The following CTIF variants were observed in gnomAD, a reference collection of about 807,000 sequenced individuals.
CTIF encodes cap binding complex dependent translation initiation factor.
CTIF carries 21 observed loss-of-function variants against 66.0 expected under a neutral mutation model. That is an observed-to-expected ratio of 0.32 (90% CI 0.23 to 0.46). CTIF has a LOEUF of 0.46. CTIF is among the 20% of genes least tolerant of loss of function. CTIF has a pLI of 1.00. For synonymous variants in CTIF, 345 were observed against 326.4 expected, an observed-to-expected ratio of 1.06 and a Z score of -0.62; for missense variants, 739 against 812.7, an observed-to-expected ratio of 0.91 and a Z score of 1.10.
intron 6 of CTIF, among the ~76,000 whole-genome samples, chr18:48,676,652 A>G (rs2091634703): frequency 6.6e-6 from 1 of 151,974 alleles, no homozygotes; most frequent in Non-Finnish European, 1.5e-5. Flanking sequence ...GATGTGCCCA[A>G]AGCATTCCCC....
intron 9 of CTIF, among the ~76,000 whole-genome samples, chr18:48,802,806 A>T (rs2068073497): frequency 6.6e-6 from 1 of 152,218 alleles, no homozygotes; most frequent in South Asian, 2.1e-4. Flanking sequence ...AGTGGTACTA[A>T]CGTCCTCCCT....
intron 9 of CTIF, among the ~76,000 whole-genome samples, chr18:48,771,221 C>G (rs1910083504): frequency 6.6e-6 from 1 of 152,170 alleles, no homozygotes; most frequent in Non-Finnish European, 1.5e-5. Context: ...TTCTGGGCTC[C>G]CCTGTTTAAG....
At chr18:48,722,631 G>A (rs554178896) in intron 7 of CTIF, among the ~76,000 whole-genome samples, 58 of 150,490 alleles carry the variant, frequency 3.9e-4, no homozygotes, top group African/African-American at 1.3e-3. Context: ...CGTACTCATC[G>A]GCACTCACAG....
At chr18:48,654,194 A>G (rs1020736170) in intron 3 of CTIF, among the ~76,000 whole-genome samples, 1 of 152,218 alleles carries the variant, frequency 6.6e-6, no homozygotes, top group African/African-American at 2.4e-5. Flanking sequence ...TAGGCAACCT[A>G]CAGAATGGGA....
intron 6 of CTIF, among the ~76,000 whole-genome samples, chr18:48,697,393 A>G (rs771642196): frequency 6.6e-6 from 1 of 152,184 alleles, no homozygotes; most frequent in Non-Finnish European, 1.5e-5. Context: ...GTGTGACCAG[A>G]TGGATTCCTT....
chr18:48,777,376 C>T (rs1910788788), intron 9 of CTIF, among the ~76,000 whole-genome samples: 1 of 152,206 alleles, frequency 6.6e-6, no homozygotes, highest in Non-Finnish European at 1.5e-5. Context: ...CCAAGCCACC[C>T]TCCTATGTGC....
chr18:48,566,073 C>T (rs2089274091), intron 1 of CTIF: 1 of 152,226 alleles, frequency 6.6e-6, no homozygotes. Flanking sequence ...TAACAGGCAA[C>T]AAGTTCTGCC....
At chr18:48,701,595 C>G (rs2145389328) in intron 6 of CTIF, among the ~76,000 whole-genome samples, 1 of 152,172 alleles carries the variant, frequency 6.6e-6, no homozygotes, top group East Asian at 1.9e-4. Flanking sequence ...AGAATGGAAG[C>G]CTGACAATGG....
intron 1 of CTIF, chr18:48,565,968 G>T: frequency 6.6e-6 from 1 of 152,412 alleles, no homozygotes; most frequent in Non-Finnish European, 1.5e-5. Context: ...AGAGGCTGAG[G>T]GTGGGCATGA....
Position 48,544,718 on chromosome 18 carries a change from G to A in CTIF, c.-29+5406G>A, listed in dbSNP as rs527355761. ...AGGCTGGGGCAATGGCCCAAAAATG[G>A]TTAGGGGGCAACTAGGTGCTTGGGG... On this transcript the variant is annotated intron_variant, in intron 1 of 11. Coordinates refer to ENST00000256413, the MANE Select transcript of CTIF (RefSeq NM_014772.3). Among the ~76,000 whole-genome samples the A allele has an allele frequency of 6.4e-4, 97 of 152,346 alleles. 5 individuals carry two copies. The South Asian group carries it at 0.019, about 31-fold the overall frequency.
intron 5 of CTIF, among the ~76,000 whole-genome samples, chr18:48,669,004 C>T (rs1346148774): frequency 5.9e-5 from 9 of 152,162 alleles, no homozygotes; most frequent in Non-Finnish European, 1.5e-5. Context: ...TTCTCTTCCA[C>T]CCAGGCCTTT....
At chr18:48,678,885 T>G (rs2091691370) in intron 6 of CTIF, among the ~76,000 whole-genome samples, 2 of 152,158 alleles carry the variant, frequency 1.3e-5, no homozygotes, top group South Asian at 4.1e-4. Flanking sequence ...GGCAAACTGG[T>G]CCACAGACCA....
At position 48,670,644 on chromosome 18, in the gene CTIF, T is replaced by A. The variant is rs769236249; in HGVS notation, c.432-25T>A. Reference sequence around the variant, plus strand: ...AGGCATGAATGAGCCATCTTTCCAATGCCTTTCTGTCTTTTCTGGTCCAGG... The same window carrying A: ...AGGCATGAATGAGCCATCTTTCCAAAGCCTTTCTGTCTTTTCTGGTCCAGG... On this transcript the variant is annotated intron_variant, in intron 5 of 11. Transcript: ENST00000256413. The A allele has an allele frequency of 1.9e-6, 3 of 1,609,298 alleles. No individual in the cohort carries two copies. The East Asian group carries it at 6.7e-5, about 36-fold the overall frequency.
intron 9 of CTIF, among the ~76,000 whole-genome samples, chr18:48,795,467 T>G (rs2067894263): frequency 6.6e-6 from 1 of 152,052 alleles, no homozygotes; most frequent in Admixed American, 6.5e-5. Flanking sequence ...TTTAAGGGAG[T>G]CCCAGATAAA....
chr18:48,838,311 G>A (rs777302344), intron 10 of CTIF, among the ~76,000 whole-genome samples: 4 of 152,054 alleles, frequency 2.6e-5, no homozygotes, highest in Non-Finnish European at 5.9e-5. Flanking sequence ...CAGGCGAAAT[G>A]CCTATCAGAA....
chr18:48,561,885 T>C (rs1055691901), intron 1 of CTIF, among the ~76,000 whole-genome samples: 6 of 152,206 alleles, frequency 3.9e-5, no homozygotes, highest in African/African-American at 1.4e-4. Flanking sequence ...AAACTACAAC[T>C]TGCAGACTAA....
At chr18:48,665,259 G>C (rs1451294110) in intron 5 of CTIF, among the ~76,000 whole-genome samples, 1 of 152,180 alleles carries the variant, frequency 6.6e-6, no homozygotes, top group Non-Finnish European at 1.5e-5. Context: ...TGCTGATGCT[G>C]GTCCAGGGAC....
chr18:48,656,324 C>G (rs1380354367), intron 3 of CTIF, among the ~76,000 whole-genome samples: 1 of 152,250 alleles, frequency 6.6e-6, no homozygotes, highest in African/African-American at 2.4e-5. Flanking sequence ...ATCCTGGTAA[C>G]TGGCTCCATG....
At chr18:48,675,504 G>A (rs950720557) in intron 6 of CTIF, among the ~76,000 whole-genome samples, 4 of 152,224 alleles carry the variant, frequency 2.6e-5, no homozygotes, top group African/African-American at 9.6e-5. Flanking sequence ...AGCCAAAGGC[G>A]TCTTCACCGG....
Sources: gnomAD v4.1 joint callset for allele counts (sites outside exome capture counted in the v4.1 genomes callset) on GRCh38, gnomAD v4.1.1 for gene constraint, MANE v1.5 for transcripts, NCBI Gene and HGNC (gene_info 2026-07-23, HGNC 2026-07-21) for gene names.